TRPM7: variants seen among roughly 807,000 people sequenced by gnomAD.
TRPM7 encodes transient receptor potential cation channel subfamily M member 7, also known as LTRPC ion channel family member 7.
A neutral mutation model predicts 229.7 loss-of-function variants in TRPM7; 134 were observed. The ratio of observed to expected loss-of-function variants is 0.58; its 90% CI spans 0.51 to 0.67. The LOEUF (loss-of-function observed/expected upper bound fraction) is 0.67. TRPM7 is among the 30% of genes least tolerant of loss of function. TRPM7 has a pLI of 0.00. For synonymous variants in TRPM7, 699 were observed against 715.2 expected (o/e 0.98, Z 0.36); for missense variants, 1,901 against 2,210.0 (o/e 0.86, Z 2.80).
intron 23 of TRPM7, among the ~76,000 whole-genome samples, 162 bp from the exon 24 acceptor site, chr15:50,594,775 AG>A (rs1423719014): frequency 6.6e-6 from 1 of 152,200 alleles, no homozygotes; most frequent in Non-Finnish European, 1.5e-5. Flanking sequence ...AGATACAGGC[AG>A]TAAGTATAAG....
chr15:50,591,782 GAT>G (rs1358851029), intron 26 of TRPM7, 127 bp downstream of exon 26: 48 of 710,194 alleles, frequency 6.8e-5, no homozygotes, highest in Non-Finnish European at 8.7e-5. Flanking sequence ...ACAGGTGTCT[GAT>G]TCTTTTTAAA....
intron 11 of TRPM7, among the ~76,000 whole-genome samples, chr15:50,624,931 G>C (rs2060513176): frequency 6.6e-6 from 1 of 152,134 alleles, no homozygotes; most frequent in Non-Finnish European, 1.5e-5. Context: ...AACTTTAAAA[G>C]AAATCATTCA....
intron 5 of TRPM7, among the ~76,000 whole-genome samples, chr15:50,641,637 T>C (rs776036595): frequency 4.6e-5 from 7 of 152,172 alleles, no homozygotes; most frequent in Non-Finnish European, 1.0e-4. Context: ...TCCATGAAGG[T>C]AGATATTTTT....
In TRPM7 at chr15:50,614,148, T is replaced by C. The variant is rs200278769; in HGVS notation, c.1610A>G (p.Tyr537Cys). 19 of 1,609,206 alleles carry C rather than the reference T, an allele frequency of 1.2e-5. No individual in the cohort carries two copies. The highest frequency in any genetic ancestry group is 1.3e-5 in the African/African-American group (1 of 74,490). Residue 537 changes from tyrosine (Y) to cysteine (C), a missense_variant, in exon 14 of 39, where the codon TAT (tyrosine) becomes TGT (cysteine). Physicochemically the swap from Tyr to Cys is radical, Grantham distance 194 (BLOSUM62 -2). This residue lies in a region of TRPM7 where 794 missense variants were observed against 881.9 expected (regional missense o/e 0.90). Transcript: ENST00000646667. Reference protein sequence around the residue: ...TYTRKRFRLIYNSLGGNNRRS... With the variant: ...TYTRKRFRLICNSLGGNNRRS... ...CCGATTATTTCCACCAAGACTATTA[T>C]ATATTAATCGAAAACGTTTCCTAGT...
chr15:50,562,685 C>G (rs1386035986), intron 38 of TRPM7, among the ~76,000 whole-genome samples: 1 of 151,054 alleles, frequency 6.6e-6, no homozygotes, highest in East Asian at 1.9e-4. Context: ...GGTGGGAGGA[C>G]TGTTTGAGCC....
At chr15:50,684,349 TAA>T (rs2062312226) in intron 1 of TRPM7, among the ~76,000 whole-genome samples, 3 of 151,844 alleles carry the variant, frequency 2.0e-5, no homozygotes, top group Admixed American at 6.6e-5. Context: ...TCACAGGAAA[TAA>T]AGAGTAGAAG....
At chr15:50,590,321 A>T (rs2140351691) in intron 26 of TRPM7, among the ~76,000 whole-genome samples, 1 of 152,336 alleles carries the variant, frequency 6.6e-6, no homozygotes, top group Non-Finnish European at 1.5e-5. Flanking sequence ...AATCACTCAA[A>T]AAGGAATGAT....
chr15:50,624,399 C>A, intron 11 of TRPM7, 99 bp from the exon 12 acceptor site: 2 of 1,082,580 alleles, frequency 1.8e-6, no homozygotes, highest in Admixed American at 2.8e-5. Context: ...AATTTGTTCC[C>A]AACAGTTTTA....
intron 1 of TRPM7, among the ~76,000 whole-genome samples, chr15:50,678,839 G>A (rs1465318180): frequency 6.6e-6 from 1 of 151,544 alleles, no homozygotes; most frequent in Non-Finnish European, 1.5e-5. Flanking sequence ...AGATCAACCT[G>A]GGCAACAGAG....
At position 50,574,630 on chromosome 15, in the gene TRPM7, G is replaced by C. The variant is rs1218602826; in HGVS notation, c.5102+7C>G. Reference sequence around the variant, plus strand: ...TAAAAGATCCCAGAAAAAAATTAAAGATTTACCTTGGAGAATATGGTATGG... The same window carrying C: ...TAAAAGATCCCAGAAAAAAATTAAACATTTACCTTGGAGAATATGGTATGG... On this transcript the variant is annotated splice_region_variant and intron_variant, in intron 35 of 38. Coordinates refer to ENST00000646667, the MANE Select transcript of TRPM7 (RefSeq NM_017672.6). 6.2e-7 allele frequency: 1 copy of C among 1,606,782 alleles called. No homozygotes were observed. The highest frequency in any genetic ancestry group is 8.5e-7 in the Non-Finnish European group (1 of 1,177,526).
chr15:50,577,480 G>A (rs1002629927), intron 31 of TRPM7, among the ~76,000 whole-genome samples: 1 of 152,158 alleles, frequency 6.6e-6, no homozygotes, highest in Non-Finnish European at 1.5e-5. Flanking sequence ...CTGGGAGGCG[G>A]AGGTTGCAGT....
chr15:50,583,040 A>C, intron 29 of TRPM7, 49 bp downstream of exon 29: 1 of 1,301,046 alleles, frequency 7.7e-7, no homozygotes, highest in Non-Finnish European at 1.0e-6. Context: ...TATCTAAAAA[A>C]GTTTAATGTA....
At position 50,561,808 on chromosome 15, in the gene TRPM7, T is replaced by C; in HGVS notation, c.5468A>G (p.Asp1823Gly). Residue 1823 changes from aspartate (D) to glycine (G), a missense_variant and splice_region_variant, in exon 39 of 39, where the codon GAT becomes GGT. Around this residue, in one of 8 missense-constraint regions of TRPM7, gnomAD observed 257 missense variants for 352.0 expected, o/e 0.73. Coordinates refer to ENST00000646667, the MANE Select transcript of TRPM7 (RefSeq NM_017672.6). ...NSCCRKLKLP[D>G]LKRNDYTPDK... is the part of the protein sequence containing the mutation. ...AGGCGTATAATCATTCCTCTTCAGA[T>C]CTACATTGAACACCCACAACAATTA... 1 of 1,583,218 alleles carries C rather than the reference T, an allele frequency of 6.3e-7. No individual in the cohort carries two copies. The highest frequency in any genetic ancestry group is 1.8e-4 in the Middle Eastern group (1 of 5,666).
intron 28 of TRPM7, among the ~76,000 whole-genome samples, chr15:50,584,335 A>G (rs2054579548): frequency 6.6e-6 from 1 of 152,210 alleles, no homozygotes; most frequent in East Asian, 1.9e-4. Context: ...TATATTCTGA[A>G]TATCATGAAG....
Position 50,637,219 on chromosome 15 carries a change from T to C in TRPM7, c.832+203A>G, listed in dbSNP as rs1358006603. Among the ~76,000 whole-genome samples, 3 of 152,196 alleles carry C rather than the reference T, an allele frequency of 2.0e-5. No individual in the cohort carries two copies. The East Asian group carries it at 5.8e-4, about 29-fold the overall frequency. On this transcript the variant is annotated intron_variant, in intron 7 of 38. Transcript: ENST00000646667. ...GCTTCCAATGAACCTTTTTTGGTTTTAGCCTTGATAACTGAGTACCCAATT... is the reference window on the plus strand; with the variant it reads ...GCTTCCAATGAACCTTTTTTGGTTTCAGCCTTGATAACTGAGTACCCAATT...
intron 28 of TRPM7, among the ~76,000 whole-genome samples, chr15:50,584,322 C>T (rs776713023): frequency 6.6e-5 from 10 of 152,128 alleles, no homozygotes; most frequent in Non-Finnish European, 1.5e-5. Flanking sequence ...TGACAGAATA[C>T]ATTATATTCT....
chr15:50,628,090 A>G, intron 11 of TRPM7, 59 bp downstream of exon 11: 1 of 1,247,080 alleles, frequency 8.0e-7, no homozygotes, highest in Non-Finnish European at 1.2e-6. Flanking sequence ...GTTCCCGCAA[A>G]TACTTTTTTA....
intron 4 of TRPM7, among the ~76,000 whole-genome samples, chr15:50,647,468 G>A (rs540878643): frequency 2.6e-5 from 4 of 152,040 alleles, no homozygotes; most frequent in South Asian, 2.1e-4. Flanking sequence ...AAAACAGGCC[G>A]GGCACAGTGG....
At chr15:50,670,215 G>T (rs1048855354) in intron 1 of TRPM7, among the ~76,000 whole-genome samples, 3 of 152,066 alleles carry the variant, frequency 2.0e-5, no homozygotes, top group East Asian at 1.9e-4. Context: ...CAACCCTTAG[G>T]ATGAAGGATT....
Sources: gnomAD v4.1 joint callset for allele counts (sites outside exome capture counted in the v4.1 genomes callset) on GRCh38, gnomAD v4.1.1 for gene constraint, gnomAD v4.1.1 regional missense constraint, MANE v1.5 for transcripts, NCBI Gene and HGNC (gene_info 2026-07-23, HGNC 2026-07-21) for gene names.